CDH6: variants seen among roughly 807,000 people sequenced by gnomAD.
CDH6 encodes the protein cadherin-6.
In CDH6, 31 loss-of-function variants were observed where a neutral mutation model predicts 78.0. The observed-to-expected ratio is 0.40, with a 90% CI of 0.30 to 0.54. The LOEUF (loss-of-function observed/expected upper bound fraction) is 0.54. Among genes scored for constraint, CDH6 ranks in the 20% least tolerant of loss-of-function variants. The probability of loss-of-function intolerance (pLI) is 0.56; values close to 1 mark genes in which losing one functional copy is unlikely to be tolerated. For synonymous variants in CDH6, 376 were observed against 368.8 expected (o/e 1.02, Z -0.23); for missense variants, 724 against 975.9 (o/e 0.74, Z 3.44).
intron 1 of CDH6, among the ~76,000 whole-genome samples, chr5:31,238,388 G>A (rs1029472981): frequency 1.3e-5 from 2 of 152,134 alleles, no homozygotes; most frequent in Non-Finnish European, 2.9e-5. Context: ...CATAGGAGTG[G>A]CCTTCCCTGT....
chr5:31,271,493 A>T (rs1043714084), intron 2 of CDH6, among the ~76,000 whole-genome samples: 2 of 152,178 alleles, frequency 1.3e-5, no homozygotes, highest in African/African-American at 4.8e-5. Context: ...GTGGGGAGGA[A>T]TAGTGGAGAA....
intron 8 of CDH6, among the ~76,000 whole-genome samples, chr5:31,313,716 C>T (rs1738220170): frequency 6.6e-6 from 1 of 151,896 alleles, no homozygotes; most frequent in South Asian, 2.1e-4. Flanking sequence ...AATTGGTACT[C>T]GGTGGATTTA....
rs2111761161 is a variant in CDH6 at position 31,197,055 on chromosome 5, A to G, written c.-129+3169A>G. Among the ~76,000 whole-genome samples, 3 of 152,180 alleles carry G rather than the reference A, an allele frequency of 2.0e-5. No homozygotes were observed. The Middle Eastern group carries it at 0.01, about 518-fold the overall frequency. On this transcript the variant is annotated intron_variant, in intron 1 of 11. Transcript: ENST00000265071. ...CTGTGAACATTCACAAGTTATGCTG[A>G]ACTAAGGCCATCTAATTCAAAGAAT...
intron 2 of CDH6, among the ~76,000 whole-genome samples, chr5:31,287,589 G>A (rs185861736): frequency 2.6e-5 from 4 of 152,242 alleles, no homozygotes; most frequent in Non-Finnish European, 4.4e-5. Flanking sequence ...AGTTCCCCAA[G>A]GTTATGTGAC....
Position 31,245,899 on chromosome 5 carries a change from CTTTTTTT to C in CDH6, c.-128-21428_-128-21422del, listed in dbSNP as rs71612205. On this transcript the variant is annotated intron_variant, in intron 1 of 11. Coordinates refer to ENST00000265071, the MANE Select transcript of CDH6 (RefSeq NM_004932.4). ...AACATTTTCTTTTCTCTCTCTCTCTCTTTTTTTTTTTTTTTTTTTTTTTTTGTGAGAC... is the reference window on the plus strand; with the variant it reads ...AACATTTTCTTTTCTCTCTCTCTCTCTTTTTTTTTTTTTTTTTTGTGAGAC... Among the ~76,000 whole-genome samples, 288 of 87,734 alleles carry C rather than the reference CTTTTTTT, an allele frequency of 3.3e-3. 2 individuals are homozygous for C. Among genetic ancestry groups the C allele is most frequent in the African/African-American group, 0.014 (277 of 19,532 alleles). The allele number at this position is 87,734 out of a possible 152,430, so 57.6% of individuals were successfully genotyped here.
At position 31,317,855 on chromosome 5, in the gene CDH6, C is replaced by G; in HGVS notation, c.1813C>G (p.Leu605Val). 5.6e-6 allele frequency: 9 copies of G among 1,614,114 alleles called. No individual in the cohort carries two copies. Among genetic ancestry groups the G allele is most frequent in the Non-Finnish European group, 7.6e-6 (9 of 1,179,994 alleles). ...CATGCAATCCTGCCATGCGGAGGCG[C>G]TCATCCACCCCACGGGACTGAGCAC... is the stretch of plus-strand genomic sequence containing the variant. ...GNMQSCHAEA[L>V]IHPTGLSTGA... Residue 605 changes from leucine to valine, a missense_variant, in exon 11 of 12, where the codon CTC (leucine) becomes GTC (valine). Physicochemically the swap from Leu to Val is conservative, Grantham distance 32 (BLOSUM62 1). Around this residue, in one of 3 missense-constraint regions of CDH6, gnomAD observed 220 missense variants for 240.6 expected, o/e 0.91. Transcript: ENST00000265071.
chr5:31,302,393 C>T, intron 6 of CDH6, 95 bp downstream of exon 6: 1 of 902,810 alleles, frequency 1.1e-6, no homozygotes, highest in Non-Finnish European at 1.6e-6. Flanking sequence ...CATAAACATT[C>T]CTTTAGATTT....
chr5:31,323,567 C>G lies in CDH6; in HGVS notation c.*259C>G. The G allele has an allele frequency of 2.2e-6, 1 of 461,682 alleles. No homozygotes were observed. Among genetic ancestry groups the G allele is most frequent in the Non-Finnish European group, 3.9e-6 (1 of 256,156 alleles). 28.6% of individuals were successfully genotyped at this position (461,682 alleles called of 1,614,324 possible). On this transcript the variant is annotated 3_prime_UTR_variant, in exon 12 of 12. Transcript: ENST00000265071. ...AGGTGCCGGAGGGGAGGACAGGGAA[C>G]AGTATTTCCACTTGTTCTCAGGGCA... is the stretch of plus-strand genomic sequence containing the variant.
chr5:31,252,690 C>T (rs1166857280), intron 1 of CDH6, among the ~76,000 whole-genome samples: 1 of 151,826 alleles, frequency 6.6e-6, no homozygotes, highest in African/African-American at 2.4e-5. Context: ...TGCTTAAGTA[C>T]CAAACGATGC....
chr5:31,234,284 T>A (rs994821841), intron 1 of CDH6, among the ~76,000 whole-genome samples: 1 of 152,130 alleles, frequency 6.6e-6, no homozygotes, highest in African/African-American at 2.4e-5. Flanking sequence ...GAAAAGAAAA[T>A]TTGTAAATCT....
At chr5:31,194,481 G>A (rs1740105659) in intron 1 of CDH6, among the ~76,000 whole-genome samples, 1 of 152,182 alleles carries the variant, frequency 6.6e-6, no homozygotes, top group Admixed American at 6.5e-5. Flanking sequence ...CGATTTGGCT[G>A]GTAGAAGGAG....
At chr5:31,266,061 G>A (rs761487746) in intron 1 of CDH6, among the ~76,000 whole-genome samples, 1 of 152,072 alleles carries the variant, frequency 6.6e-6, no homozygotes, top group Admixed American at 6.6e-5. Context: ...ACAGGCATGA[G>A]CCACTGTGCC....
chr5:31,268,172 G>A (rs1253100689), intron 2 of CDH6, among the ~76,000 whole-genome samples: 1 of 152,062 alleles, frequency 6.6e-6, no homozygotes, highest in African/African-American at 2.4e-5. Flanking sequence ...CCATTCTCTG[G>A]CCAAATGGAG....
chr5:31,198,812 A>G (rs1442891352), intron 1 of CDH6, among the ~76,000 whole-genome samples: 1 of 152,162 alleles, frequency 6.6e-6, no homozygotes, highest in Non-Finnish European at 1.5e-5. Context: ...ACATAATTAC[A>G]TCATTAACAT....
intron 5 of CDH6, 134 bp downstream of exon 5, chr5:31,299,765 A>T: frequency 1.4e-6 from 1 of 705,282 alleles, no homozygotes; most frequent in Non-Finnish European, 2.4e-6. Context: ...TTTATTAAAA[A>T]TGAGTTGACA....
chr5:31,325,321 TACACACACAC>T lies in CDH6; in HGVS notation c.*2038_*2047del, dbSNP rs3840334. 15,165 of 223,786 alleles carry T rather than the reference TACACACACAC, an allele frequency of 0.068. 1,053 individuals are homozygous for T. The highest frequency in any genetic ancestry group is 0.21 in the African/African-American group (9,173 of 43,962). The allele number at this position is 223,786 out of a possible 1,614,324, so 13.9% of individuals were successfully genotyped here. A position where few individuals can be genotyped will look rare whatever the true frequency, so the allele number is the denominator to read the frequency against. ...TTTTCTAGTTCTTCATACACACACA[TACACACACAC>T]ACACACACACACACACACACACACG... is the stretch of plus-strand genomic sequence containing the variant. On this transcript the variant is annotated 3_prime_UTR_variant, in exon 12 of 12. Transcript: ENST00000265071.
At chr5:31,313,561 A>G (rs1434367544) in intron 8 of CDH6, 107 bp downstream of exon 8, 27 of 1,080,354 alleles carry the variant, frequency 2.5e-5, no homozygotes, top group Non-Finnish European at 3.4e-5. Context: ...CCCACTTGAT[A>G]TATATTGAGG....
At chr5:31,314,745 C>A (rs552939391) in intron 8 of CDH6, among the ~76,000 whole-genome samples, 1 of 152,036 alleles carries the variant, frequency 6.6e-6, no homozygotes, top group Non-Finnish European at 1.5e-5. Flanking sequence ...TGAAAATGAC[C>A]ATTTTTCCTA....
At chr5:31,204,402 G>A (rs918363583) in intron 1 of CDH6, among the ~76,000 whole-genome samples, 7 of 152,136 alleles carry the variant, frequency 4.6e-5, no homozygotes, top group African/African-American at 1.4e-4. Flanking sequence ...TAGGGAGGAC[G>A]GGTACTTTAT....
Sources: allele counts gnomAD v4.1 joint callset (sites outside exome capture counted in the v4.1 genomes callset), GRCh38; gene constraint gnomAD v4.1.1; regional missense constraint gnomAD v4.1.1; transcripts MANE v1.5; gene names NCBI Gene and HGNC (gene_info 2026-07-23, HGNC 2026-07-21).